PDXDC1: variants seen among roughly 807,000 people sequenced by gnomAD.
PDXDC1 encodes the protein pyridoxal-dependent decarboxylase domain-containing protein 1.
PDXDC1 carries 42 observed loss-of-function variants against 100.1 expected under a neutral mutation model. The observed-to-expected ratio is 0.42, with a 90% CI of 0.33 to 0.54. PDXDC1 has a LOEUF of 0.54. PDXDC1 is among the 20% of genes least tolerant of loss of function. The pLI, the probability that PDXDC1 is intolerant of heterozygous loss-of-function variation, is 0.10. For missense variants in PDXDC1, 636 were observed against 979.2 expected (o/e 0.65, Z 4.68); for synonymous variants, 260 against 371.7 (o/e 0.70, Z 3.46).
intron 16 of PDXDC1, chr16:15,072,983 CTG>C (rs1042293887): frequency 1.2e-6 from 2 of 1,613,630 alleles, no homozygotes; most frequent in African/African-American, 2.7e-5. Context: ...ACATGAAAAA[CTG>C]TACATGGCAG....
At chr16:15,022,915 A>C (rs1480008344) in intron 13 of PDXDC1, among the ~76,000 whole-genome samples, 161 bp downstream of exon 13, 4 of 152,290 alleles carry the variant, frequency 2.6e-5, no homozygotes, top group Non-Finnish European at 4.4e-5. Context: ...AAAAACAAAA[A>C]CAAAAAAACC....
chr16:15,127,415 G>A (rs1381459122), intron 16 of PDXDC1: 8 of 1,430,510 alleles, frequency 5.6e-6, no homozygotes, highest in Non-Finnish European at 6.6e-6. Flanking sequence ...TCTGGGCATG[G>A]TGCCGAGGCC....
chr16:15,062,284 G>A (rs1567181680), intron 16 of PDXDC1, among the ~76,000 whole-genome samples: 1 of 152,134 alleles, frequency 6.6e-6, no homozygotes, highest in East Asian at 1.9e-4. Flanking sequence ...GCTCAATGGG[G>A]ACAGGAAACA....
At chr16:15,034,630 C>A (rs775493985) in intron 21 of PDXDC1, 77 bp downstream of exon 21, 6 of 1,025,894 alleles carry the variant, frequency 5.8e-6, no homozygotes, top group Non-Finnish European at 9.2e-6. Context: ...CCCAACACTT[C>A]CCACTGAGAA....
At chr16:15,086,241 A>T (rs762262305) in intron 16 of PDXDC1, 1 of 1,585,332 alleles carries the variant, frequency 6.3e-7, no homozygotes. Flanking sequence ...TTTGACTTCT[A>T]TTCAACCAAG....
chr16:15,021,612 G>T (rs1348156021), intron 12 of PDXDC1, among the ~76,000 whole-genome samples: 1 of 152,292 alleles, frequency 6.6e-6, no homozygotes, highest in Non-Finnish European at 1.5e-5. Context: ...AGACCCTTGA[G>T]GTCAGCACAG....
At chr16:15,135,054 T>C (rs1175284486) in intron 16 of PDXDC1, 21 of 553,902 alleles carry the variant, frequency 3.8e-5, no homozygotes, top group Non-Finnish European at 5.9e-5. Flanking sequence ...GGGGACTGTG[T>C]AGCTTTTGTC....
intron 16 of PDXDC1, chr16:15,084,584 T>C: frequency 8.2e-7 from 1 of 1,218,394 alleles, no homozygotes; most frequent in African/African-American, 1.5e-5. Context: ...TAATTTTTAC[T>C]AATTGATTAC....
Sources: allele counts gnomAD v4.1 joint callset (sites outside exome capture counted in the v4.1 genomes callset), GRCh38; gene constraint gnomAD v4.1.1; transcripts MANE v1.5; gene names NCBI Gene and HGNC (gene_info 2026-07-23, HGNC 2026-07-21).